PTPRK: variants seen among roughly 807,000 people sequenced by gnomAD.
PTPRK encodes receptor-type tyrosine-protein phosphatase kappa.
Under a neutral mutation model 178.0 loss-of-function variants are expected in PTPRK, and 75 were observed. The ratio of observed to expected loss-of-function variants is 0.42; its 90% confidence interval spans 0.35 to 0.51. PTPRK has a LOEUF of 0.51. PTPRK is among the 20% of genes least tolerant of loss of function. PTPRK has a pLI of 0.02. For missense variants in PTPRK, 1,441 were observed against 1,797.8 expected, an observed-to-expected ratio of 0.80 and a Z score of 3.59; for synonymous variants, 637 against 620.6, an observed-to-expected ratio of 1.03 and a Z score of -0.39.
At chr6:128,482,088 T>C (rs1852165292) in intron 1 of PTPRK, among the ~76,000 whole-genome samples, 1 of 152,152 alleles carries the variant, frequency 6.6e-6, no homozygotes, top group Non-Finnish European at 1.5e-5. Context: ...TGTTTCTTTT[T>C]GGTTGTTTGT....
chr6:127,972,435 TCA>T (rs111958203), intron 29 of PTPRK, among the ~76,000 whole-genome samples: 2,084 of 152,190 alleles, frequency 0.014, 51 homozygotes, highest in African/African-American at 0.047. Flanking sequence ...AGATGAACTG[TCA>T]CACACACACA....
chr6:128,009,735 A>C (rs1197671028), intron 13 of PTPRK, among the ~76,000 whole-genome samples: 63 of 151,232 alleles, frequency 4.2e-4, no homozygotes, highest in Non-Finnish European at 1.5e-5. Context: ...TAAATGCCTA[A>C]TATAACTGTT....
intron 1 of PTPRK, among the ~76,000 whole-genome samples, chr6:128,406,845 AC>A (rs1841713119): frequency 1.3e-5 from 2 of 152,206 alleles, no homozygotes; most frequent in Admixed American, 1.3e-4. Flanking sequence ...TGGAATCACC[AC>A]ATAAAGATTT....
chr6:128,366,666 G>A (rs1421652763), intron 2 of PTPRK, among the ~76,000 whole-genome samples: 3 of 152,124 alleles, frequency 2.0e-5, no homozygotes, highest in African/African-American at 7.2e-5. Context: ...TATGATCCCA[G>A]AGACTGTGAC....
intron 7 of PTPRK, among the ~76,000 whole-genome samples, chr6:128,119,957 T>A (rs1792183022): frequency 6.6e-6 from 1 of 151,978 alleles, no homozygotes; most frequent in Admixed American, 6.6e-5. Flanking sequence ...CTTCTCTTTG[T>A]ATTAAAAATA....
chr6:128,007,656 T>C (rs1455846657), intron 14 of PTPRK, among the ~76,000 whole-genome samples: 1 of 150,910 alleles, frequency 6.6e-6, no homozygotes, highest in African/African-American at 2.4e-5. Flanking sequence ...TCAAGACAAA[T>C]GAATGTTTTC....
intron 1 of PTPRK, among the ~76,000 whole-genome samples, chr6:128,430,218 AT>A (rs1844655688): frequency 6.6e-6 from 1 of 152,318 alleles, no homozygotes; most frequent in African/African-American, 2.4e-5. Context: ...AAGCAGCTTA[AT>A]ACAGCTTTGA....
rs150600472 is a variant in PTPRK at position 127,993,258 on chromosome 6, G to A, written c.2845-549C>T. On this transcript the variant is annotated intron_variant, in intron 18 of 29. Coordinates refer to ENST00000368226, the MANE Select transcript of PTPRK (RefSeq NM_002844.4). ...GGGATATGCAAAAACTATTTTGTGC[G>A]TGCTCACAATGTTAATTTACACACA... Among the ~76,000 whole-genome samples, 747 of 151,742 alleles carry A rather than the reference G, an allele frequency of 4.9e-3. 3 individuals are homozygous for A. The highest frequency in any genetic ancestry group is 0.016 in the African/African-American group (664 of 41,476).
intron 13 of PTPRK, among the ~76,000 whole-genome samples, chr6:128,045,075 C>A (rs1426822086): frequency 1.3e-5 from 2 of 152,004 alleles, no homozygotes; most frequent in Non-Finnish European, 2.9e-5. Flanking sequence ...GAAAGTTCAG[C>A]TGACTTCTTA....
intron 7 of PTPRK, among the ~76,000 whole-genome samples, chr6:128,121,187 C>G (rs1036947150): frequency 3.3e-5 from 5 of 151,716 alleles, no homozygotes; most frequent in African/African-American, 1.2e-4. Context: ...AATAAATTAG[C>G]CTTAAATTAT....
chr6:128,044,002 G>A (rs575396777), intron 13 of PTPRK, among the ~76,000 whole-genome samples: 1 of 151,802 alleles, frequency 6.6e-6, no homozygotes, highest in Non-Finnish European at 1.5e-5. Flanking sequence ...AAAATATTTG[G>A]AATATATAAT....
intron 1 of PTPRK, among the ~76,000 whole-genome samples, chr6:128,511,414 T>C (rs1350721979): frequency 6.6e-6 from 1 of 152,188 alleles, no homozygotes; most frequent in Non-Finnish European, 1.5e-5. Flanking sequence ...ACAAGATCAG[T>C]GGATTCAAGC....
chr6:128,230,413 A>G (rs1025690066), intron 5 of PTPRK, among the ~76,000 whole-genome samples: 10 of 152,140 alleles, frequency 6.6e-5, no homozygotes, highest in Admixed American at 2.6e-4. Context: ...AAAATTCATG[A>G]GAGTGGTTAT....
Position 128,184,734 on chromosome 6 carries a change from G to A in PTPRK, c.869-9C>T. On this transcript the variant is annotated splice_polypyrimidine_tract_variant and intron_variant, in intron 6 of 29. Coordinates refer to ENST00000368226, the MANE Select transcript of PTPRK (RefSeq NM_002844.4). ...AATGGGTCTTGGCGGTTCTAGGAGA[G>A]ATGAGTGTGCACTTCAATTAGTAAG... 1 of 1,610,794 alleles carries A rather than the reference G, an allele frequency of 6.2e-7. No homozygotes were observed. The highest frequency in any genetic ancestry group is 8.5e-7 in the Non-Finnish European group (1 of 1,177,862).
intron 7 of PTPRK, among the ~76,000 whole-genome samples, chr6:128,124,897 G>T (rs569509396): frequency 1.3e-5 from 2 of 152,268 alleles, no homozygotes; most frequent in South Asian, 4.2e-4. Context: ...TCATGAGCCT[G>T]CTGCCCTTTG....
chr6:128,057,951 T>C (rs1024832665), intron 13 of PTPRK, among the ~76,000 whole-genome samples: 5 of 152,244 alleles, frequency 3.3e-5, no homozygotes, highest in African/African-American at 9.6e-5. Flanking sequence ...TTGTCTGCCT[T>C]TTACTCAAAT....
chr6:128,370,426 C>T (rs1836110902), intron 2 of PTPRK, among the ~76,000 whole-genome samples: 2 of 152,020 alleles, frequency 1.3e-5, no homozygotes, highest in South Asian at 4.1e-4. Context: ...TACATTTTTT[C>T]ATTTCCTAAA....
At chr6:128,182,342 G>A (rs1245046821) in intron 7 of PTPRK, among the ~76,000 whole-genome samples, 1 of 152,236 alleles carries the variant, frequency 6.6e-6, no homozygotes, top group African/African-American at 2.4e-5. Context: ...TTGGTAGGCC[G>A]AGGCGGGCAG....
chr6:128,434,440 G>A (rs1023657735), intron 1 of PTPRK, among the ~76,000 whole-genome samples: 3 of 152,096 alleles, frequency 2.0e-5, no homozygotes, highest in Admixed American at 1.3e-4. Flanking sequence ...CGGGGCAATT[G>A]AATATAGCTG....
Sources: allele counts gnomAD v4.1 joint callset (sites outside exome capture counted in the v4.1 genomes callset), GRCh38; gene constraint gnomAD v4.1.1; transcripts MANE v1.5; gene names NCBI Gene and HGNC (gene_info 2026-07-23, HGNC 2026-07-21).